Variants in TUBA3C observed in about 807,000 individuals in gnomAD.
The protein encoded by TUBA3C is tubulin alpha 3c.
Under a neutral mutation model 33.4 loss-of-function variants are expected in TUBA3C, and 23 were observed. The ratio of observed to expected loss-of-function variants is 0.69; its 90% confidence interval spans 0.50 to 0.98. TUBA3C has a LOEUF of 0.98. TUBA3C is among the 50% of genes least tolerant of loss of function. TUBA3C has a pLI of 0.00. For missense variants in TUBA3C, 402 were observed against 616.0 expected (o/e 0.65, Z 3.68); for synonymous variants, 269 against 250.4 (o/e 1.07, Z -0.70).
chr13:19,177,517 G>T lies in TUBA3C; in HGVS notation c.466C>A (p.Arg156=), dbSNP rs9507566. ...TTCTTGCCGTAATCCACTGAGAGCC[G>T]CTCCATGAGCAGAGATGCGAACCCA... ...GSGFASLLME[R]LSVDYGKKSK... is the part of the protein sequence containing the mutation. Residue 156 remains arginine (R), a synonymous_variant, in exon 4 of 5, where the codon CGG becomes AGG. Transcript: ENST00000400113. The surrounding 1 kb of genome is among the most constrained non-coding windows in gnomAD (Gnocchi z 5.0). 0.055 allele frequency: 88,416 copies of T among 1,613,928 alleles called. 2,831 individuals are homozygous for T. The highest frequency in any genetic ancestry group is 0.07 in the Middle Eastern group (425 of 6,060).
chr13:19,178,722 A>T (rs1869291991), intron 2 of TUBA3C, among the ~76,000 whole-genome samples: 1 of 152,190 alleles, frequency 6.6e-6, no homozygotes, highest in African/African-American at 2.4e-5. Flanking sequence ...TCTTTCCTAC[A>T]TGTAGCTACA....
chr13:19,179,672 G>A (rs1216935819), intron 1 of TUBA3C, 109 bp from the exon 2 acceptor site: 5 of 1,375,442 alleles, frequency 3.6e-6, no homozygotes, highest in East Asian at 2.5e-5. Flanking sequence ...AGTATCTGGT[G>A]CTTTCACAAT....
intron 1 of TUBA3C, 120 bp from the exon 2 acceptor site, chr13:19,179,683 T>G: frequency 7.4e-7 from 1 of 1,353,102 alleles, no homozygotes; most frequent in Non-Finnish European, 9.9e-7. Flanking sequence ...CTTTCACAAT[T>G]GATATTTCCT....
chr13:19,176,750 A>AAAAAAAAAAAAAAAAAAAC (rs1869194743), intron 4 of TUBA3C, among the ~76,000 whole-genome samples, 177 bp downstream of exon 4: 1 of 144,762 alleles, frequency 6.9e-6, no homozygotes, highest in Admixed American at 6.9e-5. Flanking sequence ...AAAAAAAAAA[A>AAAAAAAAAAAAAAAAAAAC]AAAAAAAAAG....
rs375993671 is a variant in TUBA3C, at chr13:19,174,031, G to A, written c.1185C>T (p.Phe395=). 230 of 1,613,576 alleles carry A rather than the reference G, an allele frequency of 1.4e-4. No homozygotes were observed. The highest frequency in any genetic ancestry group is 1.8e-4 in the Non-Finnish European group (207 of 1,179,962). ...AEAWARLDHK[F]DLMYAKRAFV... is the part of the protein sequence containing the mutation. ...AGGCCCGCTTGGCATACATGAGATC[G>A]AACTTATGGTCCAGGCGAGCCCAGG... The change falls in exon 5 of 5, where the codon TTC becomes TTT. Residue 395 remains phenylalanine, a synonymous_variant. Transcript: ENST00000400113.
chr13:19,177,903 G>A lies in TUBA3C; in HGVS notation c.376-296C>T, dbSNP rs1869259624. ...ACTCTGTTGCCCAGGCCGGAGGGCA[G>A]TGGCATGAACTCCGCTCAGTGCAAC... On this transcript the variant is annotated intron_variant, in intron 3 of 4. Transcript: ENST00000400113. This position sits in a 1 kb window ranked among gnomAD's most constrained non-coding sequence, Gnocchi z 5.0. Among the ~76,000 whole-genome samples, 1 of 148,140 alleles carries A rather than the reference G, an allele frequency of 6.8e-6. No homozygotes were observed. Among genetic ancestry groups the A allele is most frequent in the Non-Finnish European group, 1.5e-5 (1 of 67,546 alleles).
chr13:19,180,000 T>C (rs36214770), intron 1 of TUBA3C, among the ~76,000 whole-genome samples: 31 of 152,172 alleles, frequency 2.0e-4, no homozygotes, highest in African/African-American at 6.5e-4. Flanking sequence ...AGGTGTTCAG[T>C]ATGTGTCCTC....
intron 1 of TUBA3C, among the ~76,000 whole-genome samples, chr13:19,179,875 C>G (rs1431706407): frequency 6.6e-6 from 1 of 152,180 alleles, no homozygotes; most frequent in Non-Finnish European, 1.5e-5. Context: ...TAGCCAGTCA[C>G]AGTAATTCTC....
chr13:19,179,223 A>G, intron 2 of TUBA3C, 118 bp downstream of exon 2: 1 of 1,456,734 alleles, frequency 6.9e-7, no homozygotes, highest in Non-Finnish European at 9.2e-7. Flanking sequence ...CACCATGGGA[A>G]TATGCTTGTC....
rs146129986 is a variant in TUBA3C at position 19,174,971 on chromosome 13, G to A, written c.1057-812C>T. Among the ~76,000 whole-genome samples, 11 of 152,054 alleles carry A rather than the reference G, an allele frequency of 7.2e-5. No individual in the cohort carries two copies. In the Middle Eastern group the frequency reaches 0.01, roughly 141 times the overall value. On this transcript the variant is annotated intron_variant, in intron 4 of 4. Coordinates refer to ENST00000400113, the MANE Select transcript of TUBA3C (RefSeq NM_006001.3). Reference sequence around the variant, plus strand: ...CCTGTCTCAAAAAAATTAAAAGGCCGGGCACGGTGACCCACACCTGTAATC... The same window carrying A: ...CCTGTCTCAAAAAAATTAAAAGGCCAGGCACGGTGACCCACACCTGTAATC...
Position 19,173,786 on chromosome 13 carries a change from A to G in TUBA3C, c.*77T>C, listed in dbSNP as rs1593259359. 3 of 1,551,566 alleles carry G rather than the reference A, an allele frequency of 1.9e-6. No individual in the cohort carries two copies. The highest frequency in any genetic ancestry group is 2.3e-5 in the East Asian group (1 of 44,416). ...ACACAGAGGTCTTGGTTTTATACAGAACCTTTAATTGCAAAGAACTTGAAA... is the reference window on the plus strand; with the variant it reads ...ACACAGAGGTCTTGGTTTTATACAGGACCTTTAATTGCAAAGAACTTGAAA... On this transcript the variant is annotated 3_prime_UTR_variant, in exon 5 of 5. Coordinates refer to ENST00000400113, the MANE Select transcript of TUBA3C (RefSeq NM_006001.3).
chr13:19,176,997 T>C lies in TUBA3C; in HGVS notation c.986A>G (p.Asn329Ser). Residue 329 changes from asparagine (N) to serine (S), a missense_variant, in exon 4 of 5, where the codon AAC becomes AGC. Transcript: ENST00000400113. ...GGTCTTGATGGTGGCGATGGCCGCGTTGACATCTTTCGGGACCACATCCCC... is the reference window on the plus strand; with the variant it reads ...GGTCTTGATGGTGGCGATGGCCGCGCTGACATCTTTCGGGACCACATCCCC... ...YRGDVVPKDV[N>S]AAIATIKTKR... The C allele has an allele frequency of 1.2e-6, 2 of 1,614,092 alleles. No individual in the cohort carries two copies. The highest frequency in any genetic ancestry group is 1.7e-6 in the Non-Finnish European group (2 of 1,180,018).
intron 2 of TUBA3C, 135 bp from the exon 3 acceptor site, chr13:19,178,529 G>T: frequency 4.1e-6 from 5 of 1,215,592 alleles, no homozygotes; most frequent in Non-Finnish European, 5.6e-6. Context: ...GTCAACAGTG[G>T]CAGTGTCTGG....
At chr13:19,175,842 C>T (rs765753954) in intron 4 of TUBA3C, among the ~76,000 whole-genome samples, 2 of 152,112 alleles carry the variant, frequency 1.3e-5, no homozygotes, top group African/African-American at 2.4e-5. Flanking sequence ...CTCCTGGGTC[C>T]CAGTGATTCT....
At chr13:19,178,109 G>C (rs943950100) in intron 3 of TUBA3C, 137 bp downstream of exon 3, 2 of 1,373,280 alleles carry the variant, frequency 1.5e-6, no homozygotes, top group Non-Finnish European at 2.0e-6. Flanking sequence ...GCCTCCCAAA[G>C]TGTTGGGATT....
chr13:19,179,100 C>T (rs563156229), intron 2 of TUBA3C, among the ~76,000 whole-genome samples: 1 of 152,338 alleles, frequency 6.6e-6, no homozygotes, highest in East Asian at 1.9e-4. Context: ...CGGAATCTCT[C>T]CACAGCCCAT....
At chr13:19,175,708 C>T (rs1043346320) in intron 4 of TUBA3C, among the ~76,000 whole-genome samples, 3 of 152,102 alleles carry the variant, frequency 2.0e-5, no homozygotes, top group African/African-American at 4.8e-5. Context: ...TGACAGAGGT[C>T]GTGTAACCTG....
At position 19,177,089 on chromosome 13, in the gene TUBA3C, T is replaced by C. The variant is rs36216108; in HGVS notation, c.894A>G (p.Pro298=). ...GGTCACACTTGACCATCTGATTGGC[T>C]GGCTCGAAGCAGGCATTGGTGATCT... ...VAEITNACFE[P]ANQMVKCDPR... is the part of the protein sequence containing the mutation. Residue 298 remains proline (P), a synonymous_variant, in exon 4 of 5, where the codon CCA becomes CCG. Transcript: ENST00000400113. The surrounding 1 kb of genome is among the most constrained non-coding windows in gnomAD (Gnocchi z 5.0). 91,727 of 1,614,132 alleles carry C rather than the reference T, an allele frequency of 0.057. 2,981 individuals carry two copies. Among genetic ancestry groups the C allele is most frequent in the Middle Eastern group, 0.071 (428 of 6,062 alleles).
chr13:19,176,663 T>C (rs532887721), intron 4 of TUBA3C, among the ~76,000 whole-genome samples: 5 of 133,170 alleles, frequency 3.8e-5, no homozygotes, highest in African/African-American at 1.4e-4. Context: ...CTGATGGAGA[T>C]TGCAGTGAGC....
Sources: allele counts gnomAD v4.1 joint callset (sites outside exome capture counted in the v4.1 genomes callset), GRCh38; gene constraint gnomAD v4.1.1; non-coding constraint Gnocchi (gnomAD v3.1); transcripts MANE v1.5; gene names NCBI Gene and HGNC (gene_info 2026-07-23, HGNC 2026-07-21).